NPTX2: variants seen among roughly 807,000 people sequenced by gnomAD.
NPTX2 encodes neuronal pentraxin-2.
Under a neutral mutation model 38.1 loss-of-function variants are expected in NPTX2, and 23 were observed. That is an observed-to-expected ratio of 0.60 (90% CI 0.43 to 0.85). The LOEUF (loss-of-function observed/expected upper bound fraction) is 0.85, where lower values mean the gene tolerates loss of function less well. NPTX2 is among the 40% of genes least tolerant of loss of function. The pLI is 0.00. For synonymous variants in NPTX2, 291 were observed against 287.3 expected, an observed-to-expected ratio of 1.01 and a Z score of -0.13; for missense variants, 553 against 615.3, an observed-to-expected ratio of 0.90 and a Z score of 1.07.
intron 4 of NPTX2, among the ~76,000 whole-genome samples, chr7:98,627,636 TCAAA>T (rs1282435866): frequency 6.6e-6 from 1 of 152,108 alleles, no homozygotes; most frequent in African/African-American, 2.4e-5. Context: ...GGTGTGTGGT[TCAAA>T]CAGATTCCAA....
chr7:98,617,423 G>C lies in NPTX2; in HGVS notation c.-39G>C, dbSNP rs1791185450. On this transcript the variant is annotated 5_prime_UTR_variant, in exon 1 of 5. Coordinates refer to ENST00000265634, the MANE Select transcript of NPTX2 (RefSeq NM_002523.3). ...CCCGCGGAGCGCCCCGACGGCGCCCGCTCGCCCATGCCGAGCTGAGCGCGG... is the reference window on the plus strand; with the variant it reads ...CCCGCGGAGCGCCCCGACGGCGCCCCCTCGCCCATGCCGAGCTGAGCGCGG... 1 of 713,542 alleles carries C rather than the reference G, an allele frequency of 1.4e-6. No homozygotes were observed. Among genetic ancestry groups the C allele is most frequent in the African/African-American group, 1.9e-5 (1 of 53,228 alleles). The allele number at this position is 713,542 out of a possible 1,614,324, so 44.2% of individuals were successfully genotyped here.
At chr7:98,619,112 G>A (rs1162280689) in intron 1 of NPTX2, among the ~76,000 whole-genome samples, 2 of 152,160 alleles carry the variant, frequency 1.3e-5, no homozygotes, top group African/African-American at 4.8e-5. Context: ...AGGAAGTGAG[G>A]ATTTAGAAAC....
At chr7:98,623,335 G>A (rs553341288) in intron 2 of NPTX2, among the ~76,000 whole-genome samples, 1 of 152,308 alleles carries the variant, frequency 6.6e-6, no homozygotes, top group East Asian at 1.9e-4. Context: ...GGCTGCCGCT[G>A]TGGTTTACTT....
rs775301358 is a variant in NPTX2 at position 98,624,943 on chromosome 7, C to G, written c.665C>G (p.Pro222Arg). Reference protein sequence around the residue: ...LERGNSAFKSPDAFKVSLPLR... With the variant: ...LERGNSAFKSRDAFKVSLPLR... ...CCAGGCAATAGCGCCTTTAAGTCACCAGATGCGTTCAAGGTGTCCCTCCCA... is the reference window on the plus strand; with the variant it reads ...CCAGGCAATAGCGCCTTTAAGTCACGAGATGCGTTCAAGGTGTCCCTCCCA... Residue 222 changes from proline to arginine, a missense_variant, in exon 3 of 5, where the codon CCA becomes CGA. By Grantham distance (103) the Pro-to-Arg change is moderately radical (BLOSUM62 -2). Transcript: ENST00000265634. The G allele has an allele frequency of 5.6e-6, 9 of 1,613,120 alleles. No individual in the cohort carries two copies. In the Admixed American group the frequency reaches 1.5e-4, roughly 27 times the overall value.
rs1020502781 is a variant in NPTX2, at chr7:98,617,291, C to G, written c.-171C>G. 29 of 275,132 alleles carry G rather than the reference C, an allele frequency of 1.1e-4. No homozygotes were observed. Among genetic ancestry groups the G allele is most frequent in the African/African-American group, 5.8e-4 (26 of 44,686 alleles). 17.0% of individuals were successfully genotyped at this position (275,132 alleles called of 1,614,324 possible). A position where few individuals can be genotyped will look rare whatever the true frequency, so the allele number is the denominator to read the frequency against. ...CGCGCGGACCCGGCAGGCCAGAGTG[C>G]CGAGCAGCGCGGTGGGTGCGGCTGT... On this transcript the variant is annotated 5_prime_UTR_variant, in exon 1 of 5. Transcript: ENST00000265634.
At chr7:98,627,741 G>A (rs1791377328) in intron 4 of NPTX2, among the ~76,000 whole-genome samples, 1 of 152,208 alleles carries the variant, frequency 6.6e-6, no homozygotes, top group African/African-American at 2.4e-5. Context: ...AGGAGGCTGT[G>A]TGAGGGACCC....
At chr7:98,625,200 A>ACCCATCATGTGGTGGAGGGAGCCACAGCC in intron 3 of NPTX2, 34 bp downstream of exon 3, 1 of 1,554,136 alleles carries the variant, frequency 6.4e-7, no homozygotes, top group Non-Finnish European at 8.7e-7. Flanking sequence ...CCTCCCCAGA[A>ACCCATCATGTGGTGGAGGGAGCCACAGCC]CCCATCATGT....
intron 3 of NPTX2, among the ~76,000 whole-genome samples, chr7:98,626,385 G>A (rs1168143504): frequency 6.6e-6 from 1 of 151,952 alleles, no homozygotes; most frequent in Non-Finnish European, 1.5e-5. Context: ...TGCCCTGGGT[G>A]GAGTCTGTCG....
At chr7:98,618,617 C>CCCGCCT (rs1791222743) in intron 1 of NPTX2, among the ~76,000 whole-genome samples, 1 of 137,408 alleles carries the variant, frequency 7.3e-6, no homozygotes, top group Non-Finnish European at 1.6e-5. Flanking sequence ...GCCCCCCGCT[C>CCCGCCT]CCGCCTCCGT....
At position 98,617,847 on chromosome 7, in the gene NPTX2, G is replaced by T; in HGVS notation, c.386G>T (p.Arg129Leu). 2 of 1,553,982 alleles carry T rather than the reference G, an allele frequency of 1.3e-6. No homozygotes were observed. The highest frequency in any genetic ancestry group is 1.7e-6 in the Non-Finnish European group (2 of 1,158,396). The change falls in exon 1 of 5, where the codon CGC becomes CTC. Residue 129 changes from arginine to leucine, a missense_variant. Arg to Leu is a moderately radical substitution (Grantham distance 102). Coordinates refer to ENST00000265634, the MANE Select transcript of NPTX2 (RefSeq NM_002523.3). ...DPGHVVEQLS[R>L]SLQTLKDRLE... The stretch of plus-strand genomic sequence containing the variant: ...GGCCACGTCGTGGAGCAGCTCAGCC[G>T]CTCGCTGCAGACCCTCAAGGACCGC...
chr7:98,628,301 T>G, intron 4 of NPTX2, 101 bp from the exon 5 acceptor site: 1 of 642,658 alleles, frequency 1.6e-6, no homozygotes, highest in Non-Finnish European at 2.9e-6. Context: ...TGGTCAGAGC[T>G]GGGGGGCATC....
At chr7:98,619,616 C>T in intron 1 of NPTX2, 27 bp from the exon 2 acceptor site, 3 of 1,582,536 alleles carry the variant, frequency 1.9e-6, no homozygotes, top group Non-Finnish European at 1.7e-6. Flanking sequence ...CTTTCTGTGC[C>T]CCTCCCTCCT....
At chr7:98,617,911 G>T in intron 1 of NPTX2, 24 bp downstream of exon 1, 1 of 1,540,212 alleles carries the variant, frequency 6.5e-7, no homozygotes, top group Non-Finnish European at 8.7e-7. Context: ...GGGAGCGCGG[G>T]GGACCTGGAA....
intron 3 of NPTX2, among the ~76,000 whole-genome samples, 169 bp downstream of exon 3, chr7:98,625,335 C>T (rs1218761308): frequency 4.7e-5 from 7 of 147,802 alleles, no homozygotes; most frequent in African/African-American, 1.2e-4. Flanking sequence ...ACACGCCGGG[C>T]GGCTCACAGG....
At chr7:98,622,393 C>T (rs909205279) in intron 2 of NPTX2, among the ~76,000 whole-genome samples, 1 of 152,206 alleles carries the variant, frequency 6.6e-6, no homozygotes, top group African/African-American at 2.4e-5. Flanking sequence ...CACACGGAGT[C>T]GTATCAGATT....
intron 2 of NPTX2, among the ~76,000 whole-genome samples, chr7:98,621,268 G>A (rs1429643649): frequency 6.6e-6 from 1 of 152,088 alleles, no homozygotes; most frequent in Non-Finnish European, 1.5e-5. Context: ...TCAGGACTCA[G>A]ACCCCGCCAG....
rs757073029 is a variant in NPTX2, at chr7:98,627,169, C to T, written c.893C>T (p.Ala298Val). Residue 298 changes from alanine (A) to valine (V), a missense_variant, in exon 4 of 5, where the codon GCG (alanine) becomes GTG (valine). Physicochemically the swap from Ala to Val is moderately conservative, Grantham distance 64. Coordinates refer to ENST00000265634, the MANE Select transcript of NPTX2 (RefSeq NM_002523.3). ...PIELLINDKV[A>V]QLPLFVSDGK... Reference sequence around the variant, plus strand: ...CCTGCACATTGCTGCTCACAGGTTGCGCAGCTGCCCCTGTTTGTCAGTGAC... The same window carrying T: ...CCTGCACATTGCTGCTCACAGGTTGTGCAGCTGCCCCTGTTTGTCAGTGAC... 8.7e-6 allele frequency: 14 copies of T among 1,610,788 alleles called. No homozygotes were observed. The highest frequency in any genetic ancestry group is 6.7e-5 in the Admixed American group (4 of 60,002).
Position 98,628,597 on chromosome 7 carries a change from G to A in NPTX2, c.1264G>A (p.Glu422Lys). ...CGGAGGGGCCTCCAAGTGGCCCGTG[G>A]AGACGTGTGAGGAGCGTCTCCTTGA... ...VFGGASKWPV[E>K]TCEERLLDL is the part of the protein sequence containing the mutation. The change falls in exon 5 of 5, where the codon GAG (glutamate) becomes AAG (lysine). Residue 422 changes from glutamate to lysine, a missense_variant. Physicochemically the swap from Glu to Lys is moderately conservative, Grantham distance 56. Transcript: ENST00000265634. The A allele has an allele frequency of 6.3e-7, 1 of 1,586,980 alleles. No homozygotes were observed. The highest frequency in any genetic ancestry group is 8.6e-7 in the Non-Finnish European group (1 of 1,162,436).
Position 98,625,040 on chromosome 7 carries a change from G to C in NPTX2, c.762G>C (p.Leu254=). The change falls in exon 3 of 5, where the codon CTG becomes CTC. Residue 254 remains leucine (L), a synonymous_variant. Coordinates refer to ENST00000265634, the MANE Select transcript of NPTX2 (RefSeq NM_002523.3). ...LPELYAFTIC[L]WLRSSASPGI... ...AGCTGTACGCCTTCACCATCTGCCT[G>C]TGGCTGCGGTCCAGCGCCTCACCAG... 6.2e-7 allele frequency: 1 copy of C among 1,613,752 alleles called. No individual in the cohort carries two copies. The highest frequency in any genetic ancestry group is 1.1e-5 in the South Asian group (1 of 91,088).
Sources: allele counts gnomAD v4.1 joint callset (sites outside exome capture counted in the v4.1 genomes callset), GRCh38; gene constraint gnomAD v4.1.1; transcripts MANE v1.5; gene names NCBI Gene and HGNC (gene_info 2026-07-23, HGNC 2026-07-21).